Variants in ARID4A observed in about 807,000 individuals in gnomAD.
ARID4A encodes the protein AT-rich interactive domain-containing protein 4A.
ARID4A carries 39 observed loss-of-function variants against 148.6 expected under a neutral mutation model. The ratio of observed to expected loss-of-function variants is 0.26; its 90% confidence interval spans 0.20 to 0.34. The LOEUF (loss-of-function observed/expected upper bound fraction) is 0.34. Among genes scored for constraint, ARID4A ranks in the 10% least tolerant of loss-of-function variants. ARID4A has a pLI of 1.00. For missense variants in ARID4A, 1,265 were observed against 1,449.1 expected, an observed-to-expected ratio of 0.87 and a Z score of 2.06; for synonymous variants, 475 against 481.2, an observed-to-expected ratio of 0.99 and a Z score of 0.17.
intron 5 of ARID4A, among the ~76,000 whole-genome samples, chr14:58,312,017 A>G (rs769462176): frequency 1.3e-4 from 20 of 152,262 alleles, no homozygotes; most frequent in Non-Finnish European, 2.8e-4. Context: ...GCTCCATTGT[A>G]CAACATGATG....
rs190988039 is a variant in ARID4A, at chr14:58,344,886, A to C, written c.979+119A>C. The stretch of plus-strand genomic sequence containing the variant: ...AGTTTTGGATTTTATTTATTTATTT[A>C]TTTTGAGGCAGGTTCTTGCTTTGAT... On this transcript the variant is annotated intron_variant, in intron 12 of 23. Coordinates refer to ENST00000355431, the MANE Select transcript of ARID4A (RefSeq NM_002892.4). 8.8e-5 allele frequency: 67 copies of C among 761,616 alleles called. No homozygotes were observed. In the African/African-American group the frequency reaches 1.1e-3, roughly 12 times the overall value. 47.2% of individuals were successfully genotyped at this position (761,616 alleles called of 1,614,324 possible).
intron 5 of ARID4A, 76 bp from the exon 6 acceptor site, chr14:58,318,466 A>T: frequency 1.2e-5 from 16 of 1,358,516 alleles, no homozygotes; most frequent in South Asian, 9.6e-5. Flanking sequence ...ATTAATAGCA[A>T]TAATAGCATT....
rs561112496 is a variant in ARID4A at position 58,368,578 on chromosome 14, G to A, written c.3670+1549G>A. On this transcript the variant is annotated intron_variant, in intron 23 of 23. Transcript: ENST00000355431. ...AACTGGAAGAAAAAAAACAGATAAT[G>A]TACCATATTAAAAAAAAAATAGGAC... Among the ~76,000 whole-genome samples, 141 of 151,768 alleles carry A rather than the reference G, an allele frequency of 9.3e-4. 1 individual carries two copies. The highest frequency in any genetic ancestry group is 3.2e-3 in the African/African-American group (131 of 41,376).
In ARID4A at chr14:58,328,234, CA is replaced by C; in HGVS notation, c.583-2del. The C allele has an allele frequency of 6.3e-7, 1 of 1,578,072 alleles. No individual in the cohort carries two copies. The highest frequency in any genetic ancestry group is 2.2e-5 in the East Asian group (1 of 44,486). ...ATCAATCTGTTCTTATTTTATATTT[CA>C]GGTAATATCTCCCAGCTGTAATGAT... On this transcript the variant is annotated splice_acceptor_variant, in intron 8 of 23. Transcript: ENST00000355431. LOFTEE classifies it high-confidence loss of function.
Position 58,347,712 on chromosome 14 carries a change from A to G in ARID4A, c.1238A>G (p.His413Arg). Residue 413 changes from histidine (H) to arginine (R), a missense_variant, in exon 15 of 24, where the codon CAT becomes CGT. Around this residue, in one of 9 missense-constraint regions of ARID4A, gnomAD observed 205 missense variants for 196.9 expected, o/e 1.04. Coordinates refer to ENST00000355431, the MANE Select transcript of ARID4A (RefSeq NM_002892.4). ...ANIQFRTVHH[H>R]EPKVKEEKKD... ...ATTCAGTTCAGAACTGTTCATCACC[A>G]TGAACCAAAAGTAAAAGAGGAAAAA... is the stretch of plus-strand genomic sequence containing the variant. The G allele has an allele frequency of 1.2e-6, 2 of 1,613,994 alleles. No homozygotes were observed. Among genetic ancestry groups the G allele is most frequent in the Non-Finnish European group, 1.7e-6 (2 of 1,179,936 alleles).
chr14:58,320,072 C>A (rs1213116457), intron 7 of ARID4A, among the ~76,000 whole-genome samples: 1 of 151,240 alleles, frequency 6.6e-6, no homozygotes, highest in African/African-American at 2.4e-5. Flanking sequence ...CTCAGCCTCC[C>A]GAGTAGTCAG....
chr14:58,340,523 G>T (rs2034064899), intron 11 of ARID4A, among the ~76,000 whole-genome samples: 1 of 152,018 alleles, frequency 6.6e-6, no homozygotes, highest in South Asian at 2.1e-4. Flanking sequence ...CTAATTTTTT[G>T]CATTTTAGTA....
intron 3 of ARID4A, among the ~76,000 whole-genome samples, chr14:58,303,202 A>T (rs1566663308): frequency 2.6e-5 from 4 of 152,198 alleles, no homozygotes; most frequent in Admixed American, 2.0e-4. Flanking sequence ...TTCATGGGCT[A>T]CATAGTCATG....
At chr14:58,367,725 T>C (rs950739104) in intron 23 of ARID4A, among the ~76,000 whole-genome samples, 10 of 152,126 alleles carry the variant, frequency 6.6e-5, no homozygotes, top group Non-Finnish European at 7.4e-5. Context: ...CTACAGTCCA[T>C]CCCTAAGCCC....
At chr14:58,343,085 A>T (rs1378217349) in intron 11 of ARID4A, among the ~76,000 whole-genome samples, 1 of 152,192 alleles carries the variant, frequency 6.6e-6, no homozygotes, top group Non-Finnish European at 1.5e-5. Context: ...GGGCTACTGA[A>T]TTACCTATTT....
chr14:58,366,226 G>T lies in ARID4A; in HGVS notation c.3519G>T (p.Gln1173His), dbSNP rs768643612. ...CTAGGACATATAAATGGAGCTTTCA[G>T]CTCAGTAAGAAGCTTATAGAAAACT... ...SSPRTYKWSFQLNELDNMNST... is the reference protein window; with the variant it reads ...SSPRTYKWSFHLNELDNMNST... Residue 1173 changes from glutamine (Q) to histidine (H), a missense_variant, in exon 22 of 24, where the codon CAG becomes CAT. Around this residue, in one of 9 missense-constraint regions of ARID4A, gnomAD observed 666 missense variants for 730.9 expected, o/e 0.91. Coordinates refer to ENST00000355431, the MANE Select transcript of ARID4A (RefSeq NM_002892.4). 6.2e-7 allele frequency: 1 copy of T among 1,611,392 alleles called. No homozygotes were observed. Among genetic ancestry groups the T allele is most frequent in the Non-Finnish European group, 8.5e-7 (1 of 1,177,848 alleles).
intron 22 of ARID4A, 21 bp downstream of exon 22, chr14:58,366,251 T>C (rs769812145): frequency 5.2e-6 from 8 of 1,549,218 alleles, no homozygotes; most frequent in Non-Finnish European, 7.1e-6. Flanking sequence ...TATAGAAAAC[T>C]TGATAGATGA....
At chr14:58,361,145 A>C in intron 19 of ARID4A, 103 bp downstream of exon 19, 1 of 1,449,580 alleles carries the variant, frequency 6.9e-7, no homozygotes. Context: ...AAAATCAATA[A>C]CATAAATAAT....
rs1024029805 is a variant in ARID4A, at chr14:58,365,010, G to C, written c.2921G>C (p.Ser974Thr). ...LDDLDEKDKTSIEDVAVESSE... is the reference protein window; with the variant it reads ...LDDLDEKDKTTIEDVAVESSE... ...GATTTGGATGAAAAGGATAAGACCA[G>C]CATTGAGGATGTAGCAGTTGAAAGC... The change falls in exon 20 of 24, where the codon AGC becomes ACC. Residue 974 changes from serine to threonine, a missense_variant. By Grantham distance (58) the Ser-to-Thr change is moderately conservative. This residue lies in a region of ARID4A where 666 missense variants were observed against 730.9 expected (regional missense o/e 0.91). Coordinates refer to ENST00000355431, the MANE Select transcript of ARID4A (RefSeq NM_002892.4). 6.2e-7 allele frequency: 1 copy of C among 1,613,996 alleles called. No homozygotes were observed. The highest frequency in any genetic ancestry group is 1.3e-5 in the African/African-American group (1 of 74,906).
intron 17 of ARID4A, among the ~76,000 whole-genome samples, chr14:58,358,194 T>C (rs1162805224): frequency 6.6e-6 from 1 of 151,764 alleles, no homozygotes; most frequent in African/African-American, 2.4e-5. Flanking sequence ...AATTGCCGGG[T>C]CCAGTGGCTC....
intron 8 of ARID4A, among the ~76,000 whole-genome samples, chr14:58,323,830 T>G (rs906321734): frequency 6.6e-6 from 1 of 151,878 alleles, no homozygotes; most frequent in African/African-American, 2.4e-5. Context: ...TATTGAGCTC[T>G]TTTATATTTC....
intron 23 of ARID4A, among the ~76,000 whole-genome samples, chr14:58,367,273 G>A (rs963506570): frequency 8.5e-5 from 13 of 152,180 alleles, no homozygotes; most frequent in African/African-American, 3.1e-4. Context: ...GGATTCTCAG[G>A]TAGAGCATAG....
intron 19 of ARID4A, among the ~76,000 whole-genome samples, chr14:58,362,575 C>G (rs569929975): frequency 1.0e-3 from 154 of 151,950 alleles, no homozygotes; most frequent in Non-Finnish European, 1.7e-3. Flanking sequence ...GGTAGCAGAG[C>G]AAGACCCCAC....
rs71107934 is a variant in ARID4A, at chr14:58,319,521, C to CTTTTTTTTT, written c.449+747_449+755dup. 8.1e-5 allele frequency among the ~76,000 whole-genome samples: 5 copies of CTTTTTTTTT among 62,096 alleles called. 1 individual carries two copies. The highest frequency in any genetic ancestry group is 1.2e-4 in the Non-Finnish European group (4 of 34,050). 40.7% of individuals were successfully genotyped at this position (62,096 alleles called of 152,430 possible). A position where few individuals can be genotyped will look rare whatever the true frequency, so the allele number is the denominator to read the frequency against. On this transcript the variant is annotated intron_variant, in intron 7 of 23. Transcript: ENST00000355431. The stretch of plus-strand genomic sequence containing the variant: ...ATCTGTGTATGAATGTCTATATACT[C>CTTTTTTTTT]TTTTTTTTTTTTTTTTTTTTTTTTT...
Sources: gnomAD v4.1 joint callset for allele counts (sites outside exome capture counted in the v4.1 genomes callset) on GRCh38, gnomAD v4.1.1 for gene constraint, gnomAD v4.1.1 regional missense constraint, MANE v1.5 for transcripts, NCBI Gene and HGNC (gene_info 2026-07-23, HGNC 2026-07-21) for gene names.